CSMD3: variants seen among roughly 807,000 people sequenced by gnomAD.
CSMD3 encodes the protein CUB and Sushi multiple domains 3.
Under a neutral mutation model 435.2 loss-of-function variants are expected in CSMD3, and 177 were observed. The observed-to-expected ratio is 0.41, with a 90% CI of 0.36 to 0.46. The LOEUF (loss-of-function observed/expected upper bound fraction) is 0.46. CSMD3 is among the 20% of genes least tolerant of loss of function. The pLI is 0.34. For missense variants in CSMD3, 4,265 were observed against 4,504.6 expected (o/e 0.95, Z 1.52); for synonymous variants, 1,656 against 1,520.5 (o/e 1.09, Z -2.07).
intron 13 of CSMD3, among the ~76,000 whole-genome samples, chr8:112,700,062 T>C (rs181003849): frequency 1.3e-5 from 2 of 152,210 alleles, no homozygotes; most frequent in African/African-American, 4.8e-5. Context: ...TATGGTTGTT[T>C]TGTGGTTACA....
intron 2 of CSMD3, among the ~76,000 whole-genome samples, chr8:113,282,243 A>T (rs952627908): frequency 1.3e-5 from 2 of 152,028 alleles, no homozygotes; most frequent in African/African-American, 2.4e-5. Context: ...AGACAAGAGA[A>T]AGAAACAAAG....
At chr8:112,983,562 T>C (rs560477340) in intron 6 of CSMD3, among the ~76,000 whole-genome samples, 8 of 150,320 alleles carry the variant, frequency 5.3e-5, no homozygotes, top group African/African-American at 7.3e-5. Flanking sequence ...TAGAGGGCCA[T>C]ACTAGATTAA....
chr8:112,281,355 A>G lies in CSMD3; in HGVS notation c.9332-5T>C, dbSNP rs1403578583. 6.2e-7 allele frequency: 1 copy of G among 1,610,812 alleles called. No homozygotes were observed. The highest frequency in any genetic ancestry group is 1.3e-5 in the African/African-American group (1 of 74,832). On this transcript the variant is annotated splice_region_variant and splice_polypyrimidine_tract_variant and intron_variant, in intron 58 of 70. Transcript: ENST00000297405. Reference sequence around the variant, plus strand: ...CTGGGTTACCACACTGCACAGCTATAAAACAAAGTGTTTAAGAGTATATAT... The same window carrying G: ...CTGGGTTACCACACTGCACAGCTATGAAACAAAGTGTTTAAGAGTATATAT...
intron 3 of CSMD3, among the ~76,000 whole-genome samples, chr8:113,239,611 G>T (rs896558253): frequency 3.9e-5 from 6 of 151,958 alleles, no homozygotes; most frequent in African/African-American, 2.4e-5. Flanking sequence ...GGCTGTTTCT[G>T]TAACAAGTAT....
intron 32 of CSMD3, among the ~76,000 whole-genome samples, chr8:112,460,311 A>T (rs1817313921): frequency 6.6e-6 from 1 of 152,018 alleles, no homozygotes; most frequent in Non-Finnish European, 1.5e-5. Flanking sequence ...ACCCACAATG[A>T]GGTTAGAATT....
intron 52 of CSMD3, among the ~76,000 whole-genome samples, chr8:112,303,087 C>A (rs1821091885): frequency 6.6e-6 from 1 of 151,940 alleles, no homozygotes; most frequent in African/African-American, 2.4e-5. Flanking sequence ...TTGTTGAAAA[C>A]CTGATTAAAT....
At chr8:112,265,998 G>T (rs1305936377) in intron 59 of CSMD3, among the ~76,000 whole-genome samples, 1 of 152,066 alleles carries the variant, frequency 6.6e-6, no homozygotes, top group Non-Finnish European at 1.5e-5. Context: ...AGGCATGCTG[G>T]ATGGAGAGCA....
Position 113,315,429 on chromosome 8 carries a change from G to A in CSMD3, c.179-636C>T, listed in dbSNP as rs865947433. On this transcript the variant is annotated intron_variant, in intron 1 of 70. Coordinates refer to ENST00000297405, the MANE Select transcript of CSMD3 (RefSeq NM_198123.2). ...AATCCGAAGGTCAGGACAAAAATAC[G>A]TTAAATAAATGGATCTTGGACAACT... is the stretch of plus-strand genomic sequence containing the variant. 4.6e-5 allele frequency among the ~76,000 whole-genome samples: 7 copies of A among 151,866 alleles called. 1 individual carries two copies. Among genetic ancestry groups the A allele is most frequent in the South Asian group, 2.1e-4 (1 of 4,832 alleles).
chr8:112,556,364 T>C (rs1208852751), intron 25 of CSMD3, among the ~76,000 whole-genome samples: 1 of 152,012 alleles, frequency 6.6e-6, no homozygotes, highest in Admixed American at 6.6e-5. Context: ...GAGAATAGGT[T>C]ACTGTTTTCT....
At chr8:112,383,432 C>G (rs1829652817) in intron 37 of CSMD3, 135 bp downstream of exon 37, 1 of 637,356 alleles carries the variant, frequency 1.6e-6, no homozygotes, top group South Asian at 1.9e-5. Context: ...TTTTAAACTT[C>G]AGTCCTTGTA....
intron 8 of CSMD3, among the ~76,000 whole-genome samples, chr8:112,949,908 C>A (rs552271960): frequency 6.6e-6 from 1 of 152,048 alleles, no homozygotes; most frequent in Admixed American, 6.6e-5. Flanking sequence ...TCCTTTCCTT[C>A]CCCTTTAGCT....
intron 3 of CSMD3, among the ~76,000 whole-genome samples, chr8:113,240,348 T>C (rs1744790436): frequency 6.6e-6 from 1 of 152,184 alleles, no homozygotes; most frequent in Non-Finnish European, 1.5e-5. Context: ...AATAGAACAA[T>C]TTCTTTTCCT....
At chr8:112,900,374 T>TGAG (rs1370147720) in intron 10 of CSMD3, among the ~76,000 whole-genome samples, 53 of 151,310 alleles carry the variant, frequency 3.5e-4, no homozygotes, top group Non-Finnish European at 5.9e-5. Context: ...TGTCTCTCTC[T>TGAG]AGAGTCTGGA....
chr8:112,532,642 A>G (rs1825649358), intron 27 of CSMD3, among the ~76,000 whole-genome samples: 1 of 152,174 alleles, frequency 6.6e-6, no homozygotes, highest in African/African-American at 2.4e-5. Context: ...AAAAACTTTC[A>G]CAAACAAAGT....
At chr8:113,014,493 T>C (rs1284209126) in intron 6 of CSMD3, among the ~76,000 whole-genome samples, 1 of 151,822 alleles carries the variant, frequency 6.6e-6, no homozygotes, top group Non-Finnish European at 1.5e-5. Flanking sequence ...GAAAATGAGA[T>C]GCCCTTATCA....
chr8:113,112,124 C>A (rs1032864842), intron 4 of CSMD3, among the ~76,000 whole-genome samples: 2 of 151,788 alleles, frequency 1.3e-5, no homozygotes, highest in East Asian at 1.9e-4. Context: ...AGTATATAAT[C>A]TTTTGGGGTT....
chr8:113,073,521 T>C (rs2089216565), intron 5 of CSMD3, among the ~76,000 whole-genome samples: 1 of 151,826 alleles, frequency 6.6e-6, no homozygotes. Flanking sequence ...CATAACACCC[T>C]GTGGAAAATG....
chr8:113,301,681 T>G lies in CSMD3; in HGVS notation c.401+12890A>C, dbSNP rs375188011. 1.2e-4 allele frequency among the ~76,000 whole-genome samples: 19 copies of G among 152,166 alleles called. No individual in the cohort carries two copies. In the East Asian group the frequency reaches 3.5e-3, roughly 28 times the overall value. On this transcript the variant is annotated intron_variant, in intron 2 of 70. Coordinates refer to ENST00000297405, the MANE Select transcript of CSMD3 (RefSeq NM_198123.2). ...CATTTAAAAATACAACTGAAAAGCCTTTAGTATTTCTGAAAACAAACTGGG... is the reference window on the plus strand; with the variant it reads ...CATTTAAAAATACAACTGAAAAGCCGTTAGTATTTCTGAAAACAAACTGGG...
chr8:112,708,647 C>CT (rs34676109), intron 13 of CSMD3, among the ~76,000 whole-genome samples: 22,473 of 110,478 alleles, frequency 0.2, 2,328 homozygotes, highest in Middle Eastern at 0.35. Flanking sequence ...GGTAATGCTT[C>CT]TTTTTTTTTT....
Sources: gnomAD v4.1 joint callset for allele counts (sites outside exome capture counted in the v4.1 genomes callset) on GRCh38, gnomAD v4.1.1 for gene constraint, MANE v1.5 for transcripts, NCBI Gene and HGNC (gene_info 2026-07-23, HGNC 2026-07-21) for gene names.